The following CTH variants were observed in gnomAD, a reference collection of about 807,000 sequenced individuals.
CTH encodes cystathionase (cystathionine gamma-lyase).
A neutral mutation model predicts 50.6 loss-of-function variants in CTH; 41 were observed. That is an observed-to-expected ratio of 0.81 (90% CI 0.63 to 1.05). The LOEUF (loss-of-function observed/expected upper bound fraction) is 1.05. Ranked by LOEUF, CTH falls within the 50% of genes least tolerant of loss-of-function variation. The pLI is 0.00. For missense variants in CTH, 470 were observed against 492.6 expected, an observed-to-expected ratio of 0.95 and a Z score of 0.43; for synonymous variants, 156 against 168.9, an observed-to-expected ratio of 0.92 and a Z score of 0.59.
At position 70,424,416 on chromosome 1, in the gene CTH, G is replaced by A. The variant is rs1218077608; in HGVS notation, c.588G>A (p.Gln196=). ...ACACTTTTATGTCACCATATTTCCA[G>A]GTAAATGAAAATAATTTTTTTTGGC... ...VDNTFMSPYF[Q]RPLALGADIS... The change falls in exon 5 of 12, where the codon CAG becomes CAA. Residue 196 remains glutamine (Q), a splice_region_variant and synonymous_variant. Transcript: ENST00000370938. 3.1e-6 allele frequency: 5 copies of A among 1,613,644 alleles called. No individual in the cohort carries two copies. Among genetic ancestry groups the A allele is most frequent in the Admixed American group, 1.7e-5 (1 of 59,990 alleles).
At chr1:70,422,552 G>T (rs185719413) in intron 4 of CTH, among the ~76,000 whole-genome samples, 2 of 150,526 alleles carry the variant, frequency 1.3e-5, no homozygotes, top group East Asian at 3.9e-4. Flanking sequence ...GTTTCCAGAA[G>T]AACTTGTTTT....
At chr1:70,429,882 A>T (rs1467761661) in intron 6 of CTH, 31 bp downstream of exon 6, 4 of 1,519,648 alleles carry the variant, frequency 2.6e-6, no homozygotes, top group Non-Finnish European at 3.7e-6. Flanking sequence ...GTTCTTTTTC[A>T]TGGATAGGTG....
At position 70,438,827 on chromosome 1, in the gene CTH, G is replaced by GT. The variant is rs1301934486; in HGVS notation, c.1191+2dup. Reference sequence around the variant, plus strand: ...TCTAGATCAAGCTTTGAAGGCAGCAGTAAGTCTTATTATTGTGTGTGTGTG... The same window carrying GT: ...TCTAGATCAAGCTTTGAAGGCAGCAGTTAAGTCTTATTATTGTGTGTGTGTG... On this transcript the variant is annotated splice_donor_variant, in intron 11 of 11. Coordinates refer to ENST00000370938, the MANE Select transcript of CTH (RefSeq NM_001902.6). LOFTEE classifies it high-confidence loss of function. 1 of 1,597,720 alleles carries GT rather than the reference G, an allele frequency of 6.3e-7. No homozygotes were observed. The highest frequency in any genetic ancestry group is 2.3e-5 in the East Asian group (1 of 44,050).
At chr1:70,430,741 C>G (rs1684454123) in intron 7 of CTH, among the ~76,000 whole-genome samples, 1 of 151,642 alleles carries the variant, frequency 6.6e-6, no homozygotes, top group African/African-American at 2.4e-5. Flanking sequence ...CGGGGTTTCA[C>G]CGTGTTGACC....
At chr1:70,437,271 T>G (rs1684618076) in intron 10 of CTH, among the ~76,000 whole-genome samples, 1 of 152,224 alleles carries the variant, frequency 6.6e-6, no homozygotes. Context: ...CAATAAACGT[T>G]AGCACCTACT....
intron 4 of CTH, among the ~76,000 whole-genome samples, chr1:70,422,262 C>T (rs1684242405): frequency 6.6e-6 from 1 of 152,172 alleles, no homozygotes; most frequent in Non-Finnish European, 1.5e-5. Flanking sequence ...CAATCTTTAG[C>T]TTCCATCCTG....
chr1:70,426,240 C>G (rs1323991230), intron 5 of CTH, among the ~76,000 whole-genome samples: 1 of 152,076 alleles, frequency 6.6e-6, no homozygotes, highest in Non-Finnish European at 1.5e-5. Flanking sequence ...CACACAAGTT[C>G]TCCCTCTCTT....
At chr1:70,436,936 G>A (rs1684610361) in intron 10 of CTH, among the ~76,000 whole-genome samples, 2 of 152,120 alleles carry the variant, frequency 1.3e-5, no homozygotes, top group South Asian at 2.1e-4. Context: ...TCTGGTTTAG[G>A]CTATAACCCC....
At position 70,438,840 on chromosome 1, in the gene CTH, T is replaced by TTG. The variant is rs58815241; in HGVS notation, c.1191+42_1191+43dup. Reference sequence around the variant, plus strand: ...TTGAAGGCAGCAGTAAGTCTTATTATTGTGTGTGTGTGTGTGTGTGTGTGT... The same window carrying TTG: ...TTGAAGGCAGCAGTAAGTCTTATTATTGTGTGTGTGTGTGTGTGTGTGTGTGT... On this transcript the variant is annotated intron_variant, in intron 11 of 11. Coordinates refer to ENST00000370938, the MANE Select transcript of CTH (RefSeq NM_001902.6). 41,337 of 1,410,394 alleles carry TTG rather than the reference T, an allele frequency of 0.029. 56 individuals carry two copies. Among genetic ancestry groups the TTG allele is most frequent in the Admixed American group, 0.066 (3,183 of 47,996 alleles). 87.4% of individuals were successfully genotyped at this position (1,410,394 alleles called of 1,614,324 possible).
chr1:70,432,341 T>A, intron 8 of CTH, 106 bp downstream of exon 8: 1 of 1,354,642 alleles, frequency 7.4e-7, no homozygotes, highest in South Asian at 1.2e-5. Context: ...TCACGTATTG[T>A]TTTTGTTCAT....
intron 1 of CTH, among the ~76,000 whole-genome samples, chr1:70,413,290 G>A (rs1471912734): frequency 6.8e-6 from 1 of 148,102 alleles, no homozygotes; most frequent in African/African-American, 2.5e-5. Flanking sequence ...TTCAGAGAGA[G>A]TCTTACTCTG....
intron 10 of CTH, among the ~76,000 whole-genome samples, 181 bp from the exon 11 acceptor site, chr1:70,438,507 A>C (rs531680385): frequency 3.7e-4 from 57 of 152,328 alleles, no homozygotes; most frequent in Admixed American, 2.2e-3. Flanking sequence ...TTTCATTTAA[A>C]ATCATAGCTA....
At position 70,430,591 on chromosome 1, in the gene CTH, G is replaced by A. The variant is rs113022155; in HGVS notation, c.724+197G>A. 1.2e-3 allele frequency among the ~76,000 whole-genome samples: 177 copies of A among 151,790 alleles called. 1 individual carries two copies. Among genetic ancestry groups the A allele is most frequent in the African/African-American group, 4.0e-3 (164 of 41,408 alleles). ...GAGTTTCACTCTGTTGCCCAGGCGG[G>A]AGTGAAGTGGCGTGATCTCAGCTCA... is the stretch of plus-strand genomic sequence containing the variant. On this transcript the variant is annotated intron_variant, in intron 7 of 11. Transcript: ENST00000370938.
intron 10 of CTH, among the ~76,000 whole-genome samples, chr1:70,435,483 T>C (rs1392954503): frequency 6.6e-6 from 1 of 152,116 alleles, no homozygotes. Context: ...CCACATGTTC[T>C]ACCCTACTCA....
rs750226622 is a variant in CTH, at chr1:70,411,435, C to G, written c.20C>G (p.Ser7Cys). The G allele has an allele frequency of 1.2e-6, 2 of 1,614,136 alleles. No individual in the cohort carries two copies. The highest frequency in any genetic ancestry group is 1.7e-6 in the Non-Finnish European group (2 of 1,179,978). The change falls in exon 1 of 12, where the codon TCC (serine) becomes TGC (cysteine). Residue 7 changes from serine (S) to cysteine (C), a missense_variant. Ser to Cys is a moderately radical substitution (Grantham distance 112). Coordinates refer to ENST00000370938, the MANE Select transcript of CTH (RefSeq NM_001902.6). MQEKDA[S>C]SQGFLPHFQH... ...TTCAGCATGCAGGAAAAAGACGCCTCCTCACAAGGTTTCCTGCCACACTTC... is the reference window on the plus strand; with the variant it reads ...TTCAGCATGCAGGAAAAAGACGCCTGCTCACAAGGTTTCCTGCCACACTTC...
chr1:70,439,830 C>T lies in CTH; in HGVS notation c.*703C>T, dbSNP rs1684685537. On this transcript the variant is annotated 3_prime_UTR_variant, in exon 12 of 12. Coordinates refer to ENST00000370938, the MANE Select transcript of CTH (RefSeq NM_001902.6). ...GACGTGGTGGCGGGTGCCTGTAGTC[C>T]CAGCTACTTGGGAGGCTGAGGCAGG... is the stretch of plus-strand genomic sequence containing the variant. The T allele has an allele frequency of 6.6e-6, 1 of 152,088 alleles. No individual in the cohort carries two copies. Among genetic ancestry groups the T allele is most frequent in the Non-Finnish European group, 1.5e-5 (1 of 68,108 alleles). The allele number at this position is 152,088 out of a possible 1,614,324, so 9.4% of individuals were successfully genotyped here.
At position 70,424,407 on chromosome 1, in the gene CTH, A is replaced by G; in HGVS notation, c.579A>G (p.Pro193=). 1 of 1,614,066 alleles carries G rather than the reference A, an allele frequency of 6.2e-7. No individual in the cohort carries two copies. The highest frequency in any genetic ancestry group is 8.5e-7 in the Non-Finnish European group (1 of 1,179,956). ...TCGTGGATAACACTTTTATGTCACC[A>G]TATTTCCAGGTAAATGAAAATAATT... The part of the protein sequence containing the change: ...ILVVDNTFMS[P]YFQRPLALGA... The change falls in exon 5 of 12, where the codon CCA becomes CCG. Residue 193 remains proline, a synonymous_variant. Transcript: ENST00000370938.
intron 8 of CTH, among the ~76,000 whole-genome samples, chr1:70,433,554 G>A (rs1376409151): frequency 6.6e-6 from 1 of 152,134 alleles, no homozygotes; most frequent in Admixed American, 6.5e-5. Context: ...AATTAACAAG[G>A]GAAGTCCAGG....
At chr1:70,416,661 T>G (rs1358876033) in intron 2 of CTH, among the ~76,000 whole-genome samples, 1 of 151,894 alleles carries the variant, frequency 6.6e-6, no homozygotes, top group Non-Finnish European at 1.5e-5. Context: ...CCTCCTGGAT[T>G]CAAGCAATTC....
Sources: allele counts gnomAD v4.1 joint callset (sites outside exome capture counted in the v4.1 genomes callset), GRCh38; gene constraint gnomAD v4.1.1; transcripts MANE v1.5; gene names NCBI Gene and HGNC (gene_info 2026-07-23, HGNC 2026-07-21).